The following METTL22 variants were observed in gnomAD, a reference collection of about 807,000 sequenced individuals.
METTL22 encodes the protein methyltransferase-like protein 22.
In METTL22, 51 loss-of-function variants were observed where a neutral mutation model predicts 48.4. That is an observed-to-expected ratio of 1.05 (90% CI 0.84 to 1.33). The LOEUF is 1.33. Ranked by LOEUF, METTL22 falls within the 40% of genes most tolerant of loss-of-function variation. The pLI is 0.00. For synonymous variants in METTL22, 255 were observed against 214.1 expected, an observed-to-expected ratio of 1.19 and a Z score of -1.67; for missense variants, 678 against 526.9, an observed-to-expected ratio of 1.29 and a Z score of -2.81.
At chr16:8,626,926 C>T (rs546631869) in intron 2 of METTL22, among the ~76,000 whole-genome samples, 6 of 152,146 alleles carry the variant, frequency 3.9e-5, no homozygotes, top group Admixed American at 3.9e-4. Context: ...GCCACCACGC[C>T]TGGCTAATTT....
At chr16:8,637,058 A>T (rs973138681) in intron 5 of METTL22, among the ~76,000 whole-genome samples, 38 of 152,212 alleles carry the variant, frequency 2.5e-4, no homozygotes, top group African/African-American at 8.9e-4. Flanking sequence ...ATACCTGTTT[A>T]CAAGAGAGTA....
At chr16:8,644,839 C>CA in intron 10 of METTL22, 114 bp downstream of exon 10, 1 of 1,187,510 alleles carries the variant, frequency 8.4e-7, no homozygotes, top group Non-Finnish European at 1.1e-6. Context: ...CCTAGTCCTG[C>CA]AGGGGGTGAA....
chr16:8,630,885 G>T (rs1006063507), intron 3 of METTL22, among the ~76,000 whole-genome samples: 3 of 152,176 alleles, frequency 2.0e-5, no homozygotes, highest in Admixed American at 6.5e-5. Flanking sequence ...TTTCAAACTG[G>T]CTAGAGCACT....
rs1490083437 is a variant in METTL22 at position 8,629,099 on chromosome 16, T to A, written c.503T>A (p.Ile168Asn). 1 of 1,612,644 alleles carries A rather than the reference T, an allele frequency of 6.2e-7. No individual in the cohort carries two copies. Among genetic ancestry groups the A allele is most frequent in the Non-Finnish European group, 8.5e-7 (1 of 1,179,754 alleles). ...GAAGCACAAGGCAGCCCGCACGATA[T>A]CATCAGAATAGGTAAATAGAGGTGT... Reference protein sequence around the residue: ...GEEAQGSPHDIIRIEHTMATP... With the variant: ...GEEAQGSPHDNIRIEHTMATP... The change falls in exon 3 of 11, where the codon ATC becomes AAC. Residue 168 changes from isoleucine to asparagine, a missense_variant. Physicochemically the swap from Ile to Asn is moderately radical, Grantham distance 149 (BLOSUM62 -3). Coordinates refer to ENST00000381920, the MANE Select transcript of METTL22 (RefSeq NM_024109.4).
At chr16:8,644,753 T>C in intron 10 of METTL22, 28 bp downstream of exon 10, 1 of 1,525,592 alleles carries the variant, frequency 6.6e-7, no homozygotes, top group Non-Finnish European at 8.8e-7. Context: ...AGCAGGGCCG[T>C]TGGTTGCTTT....
At chr16:8,650,983 T>C (rs964994029), downstream of METTL22, among the ~76,000 whole-genome samples, 3 of 152,088 alleles carry the variant, frequency 2.0e-5, no homozygotes, top group African/African-American at 7.2e-5. Context: ...ATTGCACCAT[T>C]GCACTCCAGC....
intron 1 of METTL22, among the ~76,000 whole-genome samples, chr16:8,622,354 G>A (rs1027564104): frequency 1.3e-5 from 2 of 152,212 alleles, no homozygotes; most frequent in African/African-American, 2.4e-5. Context: ...ACTGACTGGG[G>A]ACCTATAGGA....
chr16:8,629,656 C>A (rs888191753), intron 3 of METTL22, among the ~76,000 whole-genome samples: 3 of 151,868 alleles, frequency 2.0e-5, no homozygotes, highest in Non-Finnish European at 4.4e-5. Context: ...GATGAAGTGG[C>A]GGGAAAAGTG....
At chr16:8,636,427 A>T (rs1746164221) in intron 5 of METTL22, among the ~76,000 whole-genome samples, 1 of 150,322 alleles carries the variant, frequency 6.7e-6, no homozygotes, top group African/African-American at 2.5e-5. Context: ...AATCCCAGCT[A>T]CTTGGGAGGC....
Position 8,641,195 on chromosome 16 carries a change from C to G in METTL22, c.826+11C>G, listed in dbSNP as rs758326367. On this transcript the variant is annotated intron_variant, in intron 7 of 10. Transcript: ENST00000381920. ...ACGACCTCTGCACAGGTGTGTGTTT[C>G]TCTCGGACGTCCCCCAGTATGATTC... The G allele has an allele frequency of 6.2e-7, 1 of 1,613,608 alleles. No individual in the cohort carries two copies. Among genetic ancestry groups the G allele is most frequent in the African/African-American group, 1.3e-5 (1 of 74,880 alleles).
rs200631969 is a variant in METTL22, at chr16:8,642,193, T to G, written c.893T>G (p.Leu298Arg). Residue 298 changes from leucine to arginine, a missense_variant, in exon 8 of 11, where the codon CTG becomes CGG. Physicochemically the swap from Leu to Arg is moderately radical, Grantham distance 102. Coordinates refer to ENST00000381920, the MANE Select transcript of METTL22 (RefSeq NM_024109.4). ...ISDLYDHTTI[L>R]FAAEVFYDDD... ...GACTTGTACGATCACACCACCATCC[T>G]GTTTGCAGCCGAAGGTAAGAAAATT... 1 of 1,613,472 alleles carries G rather than the reference T, an allele frequency of 6.2e-7. No individual in the cohort carries two copies. The highest frequency in any genetic ancestry group is 8.5e-7 in the Non-Finnish European group (1 of 1,179,438).
At chr16:8,653,053 C>T (rs1390301402), downstream of METTL22, among the ~76,000 whole-genome samples, 5 of 152,156 alleles carry the variant, frequency 3.3e-5, no homozygotes, top group African/African-American at 4.8e-5. Context: ...CCAATGCATG[C>T]GCCGGGCAAA....
At chr16:8,651,385 T>TAAAAAAAAAAAA (rs1366933738), downstream of METTL22, among the ~76,000 whole-genome samples, 1 of 300 alleles carries the variant, frequency 3.3e-3, no homozygotes, top group African/African-American at 0.01. Flanking sequence ...AGACTCTGTC[T>TAAAAAAAAAAAA]CAAAAAAAAA....
In METTL22 at chr16:8,628,936, G is replaced by GCT. The variant is rs761828459; in HGVS notation, c.342_343dup (p.Gln115LeufsTer12). The GCT allele has an allele frequency of 1.5e-5, 25 of 1,614,108 alleles. No individual in the cohort carries two copies. Among genetic ancestry groups the GCT allele is most frequent in the Middle Eastern group, 1.6e-4 (1 of 6,062 alleles). On this transcript the variant is annotated frameshift_variant, in exon 3 of 11. Coordinates refer to ENST00000381920, the MANE Select transcript of METTL22 (RefSeq NM_024109.4). LOFTEE classifies it high-confidence loss of function. ...CACCACTGGCCAGGAAGTGGCTGAA[G>GCT]CTCAGCTGGATGAGGATGGGGATTT...
chr16:8,625,524 G>C lies in METTL22; in HGVS notation c.-142G>C. 1.6e-6 allele frequency: 1 copy of C among 620,468 alleles called. No homozygotes were observed. Among genetic ancestry groups the C allele is most frequent in the Non-Finnish European group, 2.6e-6 (1 of 387,794 alleles). 38.4% of individuals were successfully genotyped at this position (620,468 alleles called of 1,614,324 possible). A position where few individuals can be genotyped will look rare whatever the true frequency, so the allele number is the denominator to read the frequency against. On this transcript the variant is annotated 5_prime_UTR_variant, in exon 2 of 11. Transcript: ENST00000381920. ...GATTCTCTTCCCTGGCCAAGTCTCT[G>C]AGATCTTCTCCCAGGGCGATGCAAA...
the METTL22 span, among the ~76,000 whole-genome samples, chr16:8,664,958 G>A: frequency 1.3e-5 from 2 of 152,090 alleles, no homozygotes; most frequent in African/African-American, 2.4e-5. Context: ...CTGCTTTAAA[G>A]GCACAGAAAC....
intron 2 of METTL22, among the ~76,000 whole-genome samples, chr16:8,626,130 G>C (rs1047565482): frequency 6.6e-6 from 1 of 152,130 alleles, no homozygotes; most frequent in Admixed American, 6.5e-5. Context: ...CAGAGTAGCT[G>C]AGACTACAGG....
At chr16:8,650,828 C>G (rs2056883554), downstream of METTL22, among the ~76,000 whole-genome samples, 1 of 151,786 alleles carries the variant, frequency 6.6e-6, no homozygotes, top group African/African-American at 2.4e-5. Flanking sequence ...AGTTCAAGAC[C>G]AGTCTGGCCA....
intron 6 of METTL22, 41 bp from the exon 7 acceptor site, chr16:8,641,090 G>A (rs2141789822): frequency 6.3e-7 from 1 of 1,586,726 alleles, no homozygotes; most frequent in Non-Finnish European, 8.7e-7. Flanking sequence ...TCCTGATGAT[G>A]TTTAGAGTTT....
Sources: gnomAD v4.1 joint callset for allele counts (sites outside exome capture counted in the v4.1 genomes callset) on GRCh38, gnomAD v4.1.1 for gene constraint, MANE v1.5 for transcripts, NCBI Gene and HGNC (gene_info 2026-07-23, HGNC 2026-07-21) for gene names.